Variants in TMEM87A observed in about 807,000 individuals in gnomAD.
TMEM87A encodes the protein transmembrane protein 87A.
A neutral mutation model predicts 90.0 loss-of-function variants in TMEM87A; 50 were observed. That is an observed-to-expected ratio of 0.56 (90% CI 0.44 to 0.70). The LOEUF is 0.70. Among genes scored for constraint, TMEM87A ranks in the 30% least tolerant of loss-of-function variants. The pLI is 0.00. For synonymous variants in TMEM87A, 226 were observed against 226.7 expected, an observed-to-expected ratio of 1.00 and a Z score of 0.03; for missense variants, 577 against 660.5, an observed-to-expected ratio of 0.87 and a Z score of 1.39.
intron 6 of TMEM87A, among the ~76,000 whole-genome samples, chr15:42,255,141 G>GT (rs1240860451): frequency 1.9e-4 from 28 of 149,926 alleles, no homozygotes; most frequent in Admixed American, 5.3e-4. Context: ...TGGGGGTTTT[G>GT]TTTTTTTTTA....
At chr15:42,238,360 G>C (rs2050812918) in intron 8 of TMEM87A, among the ~76,000 whole-genome samples, 1 of 152,032 alleles carries the variant, frequency 6.6e-6, no homozygotes, top group Non-Finnish European at 1.5e-5. Context: ...TTGAGGTCAG[G>C]AGTTCAAGAC....
chr15:42,224,915 A>G (rs1284291969), intron 15 of TMEM87A, among the ~76,000 whole-genome samples: 1 of 152,200 alleles, frequency 6.6e-6, no homozygotes, highest in African/African-American at 2.4e-5. Context: ...AGAAGAGGGA[A>G]GGTAACGCAA....
At chr15:42,264,457 A>G (rs1333103941) in intron 3 of TMEM87A, among the ~76,000 whole-genome samples, 3 of 152,140 alleles carry the variant, frequency 2.0e-5, no homozygotes, top group Non-Finnish European at 4.4e-5. Flanking sequence ...AGACTGGGAA[A>G]CTGCCAGAGT....
chr15:42,232,275 G>A (rs1279260821), intron 11 of TMEM87A, among the ~76,000 whole-genome samples: 1 of 152,084 alleles, frequency 6.6e-6, no homozygotes, highest in African/African-American at 2.4e-5. Flanking sequence ...TTGCTGGAGT[G>A]TAATGGCATG....
intron 6 of TMEM87A, chr15:42,258,646 C>T (rs2051228380): frequency 5.3e-6 from 5 of 948,018 alleles, no homozygotes; most frequent in African/African-American, 1.7e-5. Flanking sequence ...AAGCTGGTCT[C>T]GAACTCCCAA....
chr15:42,211,138 C>CTTTTTTTT lies in TMEM87A; in HGVS notation c.*562_*569dup, dbSNP rs11433755. 5.5e-5 allele frequency: 8 copies of CTTTTTTTT among 145,282 alleles called. 1 individual carries two copies. The highest frequency in any genetic ancestry group is 7.6e-5 in the African/African-American group (3 of 39,566). 9.0% of individuals were successfully genotyped at this position (145,282 alleles called of 1,614,324 possible). A position where few individuals can be genotyped will look rare whatever the true frequency, so the allele number is the denominator to read the frequency against. On this transcript the variant is annotated 3_prime_UTR_variant, in exon 20 of 20. Coordinates refer to ENST00000389834, the MANE Select transcript of TMEM87A (RefSeq NM_015497.5). The stretch of plus-strand genomic sequence containing the variant: ...TCTGAATCATACTGTAACAGTTTCT[C>CTTTTTTTT]TTTTTTTTTTTTTCTTTTGATCATT...
chr15:42,212,117 G>A (rs75152504), intron 19 of TMEM87A, among the ~76,000 whole-genome samples: 1,646 of 152,276 alleles, frequency 0.011, 32 homozygotes, highest in African/African-American at 0.038. Context: ...GGGCAAAGAC[G>A]TGCACCTAGT....
intron 5 of TMEM87A, 78 bp from the exon 6 acceptor site, chr15:42,261,080 G>A: frequency 6.5e-7 from 1 of 1,548,714 alleles, no homozygotes; most frequent in Non-Finnish European, 8.8e-7. Flanking sequence ...TAGCCACTGG[G>A]GAAGCCTGCT....
intron 6 of TMEM87A, chr15:42,258,667 T>C: frequency 1.8e-6 from 2 of 1,097,720 alleles, no homozygotes; most frequent in Non-Finnish European, 2.3e-6. Context: ...CCTCAAGTCA[T>C]CTGCCCACCT....
At chr15:42,223,628 G>A (rs973341688) in intron 15 of TMEM87A, among the ~76,000 whole-genome samples, 9 of 152,184 alleles carry the variant, frequency 5.9e-5, no homozygotes, top group South Asian at 2.1e-4. Flanking sequence ...GTCATGTGAC[G>A]ACCCAGTAAG....
chr15:42,242,181 C>T (rs768243525), intron 7 of TMEM87A, among the ~76,000 whole-genome samples: 2 of 152,098 alleles, frequency 1.3e-5, no homozygotes, highest in South Asian at 2.1e-4. Flanking sequence ...TGCACGAGGC[C>T]GACTCCATGA....
intron 15 of TMEM87A, among the ~76,000 whole-genome samples, chr15:42,224,836 T>C (rs2050560103): frequency 6.6e-6 from 1 of 152,060 alleles, no homozygotes; most frequent in African/African-American, 2.4e-5. Flanking sequence ...AAAGACACAT[T>C]ATAATATGCA....
chr15:42,233,156 A>T, intron 11 of TMEM87A, 57 bp downstream of exon 11: 1 of 1,439,954 alleles, frequency 6.9e-7, no homozygotes, highest in South Asian at 1.2e-5. Flanking sequence ...CCACACTGTC[A>T]AGATGTAAAC....
In TMEM87A at chr15:42,226,798, C is replaced by G. The variant is rs765047427; in HGVS notation, c.1403+8G>C. ...ATGTTAGCAGAGTAAACAGAAGAGTCCAAGAACCTCTGGTTGTTTGCAGAT... is the reference window on the plus strand; with the variant it reads ...ATGTTAGCAGAGTAAACAGAAGAGTGCAAGAACCTCTGGTTGTTTGCAGAT... On this transcript the variant is annotated splice_region_variant and intron_variant, in intron 15 of 19. Transcript: ENST00000389834. The G allele has an allele frequency of 6.2e-7, 1 of 1,612,970 alleles. No individual in the cohort carries two copies. Among genetic ancestry groups the G allele is most frequent in the Admixed American group, 1.7e-5 (1 of 59,996 alleles).
At chr15:42,259,443 T>C (rs1275142948) in intron 6 of TMEM87A, among the ~76,000 whole-genome samples, 2 of 152,158 alleles carry the variant, frequency 1.3e-5, no homozygotes, top group African/African-American at 2.4e-5. Flanking sequence ...GTCTGGCAAA[T>C]TGCTGAAAAG....
chr15:42,211,946 A>G (rs1267961010), intron 19 of TMEM87A, among the ~76,000 whole-genome samples, 197 bp from the exon 20 acceptor site: 1 of 152,232 alleles, frequency 6.6e-6, no homozygotes, highest in African/African-American at 2.4e-5. Context: ...CAACTAAATC[A>G]AAAGCTCTAG....
rs1430569453 is a variant in TMEM87A at position 42,261,629 on chromosome 15, C to G, written c.406-380G>C. Among the ~76,000 whole-genome samples, 4 of 129,708 alleles carry G rather than the reference C, an allele frequency of 3.1e-5. No individual in the cohort carries two copies. In the Admixed American group the frequency reaches 3.9e-4, roughly 13 times the overall value. 85.1% of individuals were successfully genotyped at this position (129,708 alleles called of 152,430 possible). On this transcript the variant is annotated intron_variant, in intron 4 of 19. Transcript: ENST00000389834. ...TTAGACAAAGAAATAGGATTTAAAC[C>G]TAATATTCTTTTTTTTTTTTTTGAG...
chr15:42,249,670 G>A (rs944239340), intron 6 of TMEM87A, among the ~76,000 whole-genome samples: 6 of 152,162 alleles, frequency 3.9e-5, no homozygotes, highest in Non-Finnish European at 5.9e-5. Flanking sequence ...TTTTACATTT[G>A]TTGATGAGTA....
At chr15:42,243,927 G>A in intron 7 of TMEM87A, 123 bp downstream of exon 7, 1 of 535,426 alleles carries the variant, frequency 1.9e-6, no homozygotes, top group Non-Finnish European at 3.2e-6. Flanking sequence ...TTTAACAGCA[G>A]GAGTGTCAAA....
Sources: allele counts gnomAD v4.1 joint callset (sites outside exome capture counted in the v4.1 genomes callset), GRCh38; gene constraint gnomAD v4.1.1; transcripts MANE v1.5; gene names NCBI Gene and HGNC (gene_info 2026-07-23, HGNC 2026-07-21).